The following SPAAR variants were observed in gnomAD, a reference collection of about 807,000 sequenced individuals.
SPAAR encodes the protein small regulatory polypeptide of amino acid response.
For synonymous variants in SPAAR, 27 were observed against 15.9 expected (o/e 1.70, Z -1.66); for missense variants, 59 against 39.9 (o/e 1.48, Z -1.29).
At position 35,910,965 on chromosome 9, in the gene SPAAR, G is replaced by GCGACCC; in HGVS notation, c.*275_*276insGACCCC. The GCGACCC allele has an allele frequency of 2.8e-6, 1 of 354,618 alleles. No individual in the cohort carries two copies. The allele number at this position is 354,618 out of a possible 1,614,324, so 22.0% of individuals were successfully genotyped here. On this transcript the variant is annotated 3_prime_UTR_variant, in exon 2 of 2. Transcript: ENST00000443779. Reference sequence around the variant, plus strand: ...CAGACAGCGCCGGAGTGCACGGTGGGCCGGCTCTGCTGATCTACACCAGGA... The same window carrying GCGACCC: ...CAGACAGCGCCGGAGTGCACGGTGGGCGACCCCCGGCTCTGCTGATCTACACCAGGA...
Position 35,910,863 on chromosome 9 carries a change from G to T in SPAAR, c.*172G>T. Reference sequence around the variant, plus strand: ...GCCTTCTGTGCCCTCCAGCCTCAGGGATCCTTGTTATTGGGACAGCCCAGC... The same window carrying T: ...GCCTTCTGTGCCCTCCAGCCTCAGGTATCCTTGTTATTGGGACAGCCCAGC... On this transcript the variant is annotated 3_prime_UTR_variant, in exon 2 of 2. Coordinates refer to ENST00000443779, the MANE Select transcript of SPAAR (RefSeq NM_001348107.3). The T allele has an allele frequency of 1.7e-6, 1 of 598,340 alleles. No individual in the cohort carries two copies. Among genetic ancestry groups the T allele is most frequent in the Admixed American group, 3.0e-5 (1 of 33,732 alleles). 37.1% of individuals were successfully genotyped at this position (598,340 alleles called of 1,614,324 possible).
Position 35,910,959 on chromosome 9 carries a change from C to CTTTTTTAAT in SPAAR, c.*268_*269insTTTTTTAAT. ...AGTGAACAGACAGCGCCGGAGTGCACGGTGGGCCGGCTCTGCTGATCTACA... is the reference window on the plus strand; with the variant it reads ...AGTGAACAGACAGCGCCGGAGTGCACTTTTTTAATGGTGGGCCGGCTCTGCTGATCTACA... On this transcript the variant is annotated 3_prime_UTR_variant, in exon 2 of 2. Transcript: ENST00000443779. 1 of 298,462 alleles carries CTTTTTTAAT rather than the reference C, an allele frequency of 3.4e-6. No homozygotes were observed. Among genetic ancestry groups the CTTTTTTAAT allele is most frequent in the South Asian group, 8.0e-5 (1 of 12,556 alleles). 18.5% of individuals were successfully genotyped at this position (298,462 alleles called of 1,614,324 possible).
Position 35,909,716 on chromosome 9 carries a change from T to G in SPAAR, c.-308+152T>G, listed in dbSNP as rs374591874. 6.1e-4 allele frequency among the ~76,000 whole-genome samples: 93 copies of G among 152,302 alleles called. 3 individuals carry two copies. The South Asian group carries it at 0.019, about 31-fold the overall frequency. On this transcript the variant is annotated intron_variant, in intron 1 of 1. Coordinates refer to ENST00000443779, the MANE Select transcript of SPAAR (RefSeq NM_001348107.3). The stretch of plus-strand genomic sequence containing the variant: ...CTCCGGGTAAAGAGCCCCACGGTCA[T>G]GGACAGGGCAGGGATTCCCGGGGAA...
Position 35,911,636 on chromosome 9 carries a change from G to A in SPAAR, c.*945G>A, listed in dbSNP as rs1383998722. ...ATATTTAAGGAGTTTGGTTTGAAGG[G>A]TGCAAAATTGTGAGCCTCCTGGCTC... On this transcript the variant is annotated 3_prime_UTR_variant, in exon 2 of 2. Coordinates refer to ENST00000443779, the MANE Select transcript of SPAAR (RefSeq NM_001348107.3). The A allele has an allele frequency of 6.6e-6, 1 of 152,224 alleles. No individual in the cohort carries two copies. The highest frequency in any genetic ancestry group is 1.5e-5 in the Non-Finnish European group (1 of 68,034). 9.4% of individuals were successfully genotyped at this position (152,224 alleles called of 1,614,324 possible).
chr9:35,910,971 T>A lies in SPAAR; in HGVS notation c.*280T>A, dbSNP rs1234456700. The A allele has an allele frequency of 1.3e-5, 3 of 224,630 alleles. No homozygotes were observed. The highest frequency in any genetic ancestry group is 1.6e-5 in the Non-Finnish European group (2 of 122,994). 13.9% of individuals were successfully genotyped at this position (224,630 alleles called of 1,614,324 possible). On this transcript the variant is annotated 3_prime_UTR_variant, in exon 2 of 2. Transcript: ENST00000443779. ...GCGCCGGAGTGCACGGTGGGCCGGC[T>A]CTGCTGATCTACACCAGGAACTGAA...
chr9:35,910,159 A>C lies in SPAAR; in HGVS notation c.-305A>C. 1 of 445,980 alleles carries C rather than the reference A, an allele frequency of 2.2e-6. No individual in the cohort carries two copies. Among genetic ancestry groups the C allele is most frequent in the Non-Finnish European group, 4.1e-6 (1 of 245,502 alleles). 27.6% of individuals were successfully genotyped at this position (445,980 alleles called of 1,614,324 possible). On this transcript the variant is annotated splice_region_variant and 5_prime_UTR_variant, in exon 2 of 2. Transcript: ENST00000443779. Reference sequence around the variant, plus strand: ...CTCTCCACCTTCTCTGTGTCCAGGGAATCTGTGCTCACGTCTTCCAGGACA... The same window carrying C: ...CTCTCCACCTTCTCTGTGTCCAGGGCATCTGTGCTCACGTCTTCCAGGACA...
chr9:35,911,637 T>C lies in SPAAR; in HGVS notation c.*946T>C, dbSNP rs1833168672. On this transcript the variant is annotated 3_prime_UTR_variant, in exon 2 of 2. Coordinates refer to ENST00000443779, the MANE Select transcript of SPAAR (RefSeq NM_001348107.3). ...TATTTAAGGAGTTTGGTTTGAAGGG[T>C]GCAAAATTGTGAGCCTCCTGGCTCT... 1 of 152,076 alleles carries C rather than the reference T, an allele frequency of 6.6e-6. No homozygotes were observed. The highest frequency in any genetic ancestry group is 2.4e-5 in the African/African-American group (1 of 41,400). The allele number at this position is 152,076 out of a possible 1,614,324, so 9.4% of individuals were successfully genotyped here.
In SPAAR at chr9:35,910,549, A is replaced by C; in HGVS notation, c.86A>C (p.Asp29Ala). The C allele has an allele frequency of 1.4e-6, 1 of 702,154 alleles. No homozygotes were observed. The highest frequency in any genetic ancestry group is 2.6e-6 in the Non-Finnish European group (1 of 384,798). 43.5% of individuals were successfully genotyped at this position (702,154 alleles called of 1,614,324 possible). ...ITCVLCCFSC[D>A]SRAQDPQGGP... ...TGCGTCCTCTGCTGCTTCAGCTGTG[A>C]CTCAAGGGCCCAGGATCCTCAGGGG... Residue 29 changes from aspartate (D) to alanine (A), a missense_variant, in exon 2 of 2, where the codon GAC (aspartate) becomes GCC (alanine). Coordinates refer to ENST00000443779, the MANE Select transcript of SPAAR (RefSeq NM_001348107.3).
chr9:35,910,534 G>A lies in SPAAR; in HGVS notation c.71G>A (p.Cys24Tyr). The change falls in exon 2 of 2, where the codon TGC becomes TAC. Residue 24 changes from cysteine (C) to tyrosine (Y), a missense_variant. Cys to Tyr is a radical substitution (Grantham distance 194). Coordinates refer to ENST00000443779, the MANE Select transcript of SPAAR (RefSeq NM_001348107.3). ...ACTGTGGCCATCACCTGCGTCCTCT[G>A]CTGCTTCAGCTGTGACTCAAGGGCC... ...VVTVAITCVL[C>Y]CFSCDSRAQD... 1.4e-6 allele frequency: 1 copy of A among 702,960 alleles called. No individual in the cohort carries two copies. The highest frequency in any genetic ancestry group is 2.7e-5 in the East Asian group (1 of 37,278). 43.5% of individuals were successfully genotyped at this position (702,960 alleles called of 1,614,324 possible).
In SPAAR at chr9:35,910,480, T is replaced by C; in HGVS notation, c.17T>C (p.Ile6Thr). 2 of 702,878 alleles carry C rather than the reference T, an allele frequency of 2.8e-6. No homozygotes were observed. Among genetic ancestry groups the C allele is most frequent in the Non-Finnish European group, 5.2e-6 (2 of 384,954 alleles). The allele number at this position is 702,878 out of a possible 1,614,324, so 43.5% of individuals were successfully genotyped here. A position where few individuals can be genotyped will look rare whatever the true frequency, so the allele number is the denominator to read the frequency against. Residue 6 changes from isoleucine to threonine, a missense_variant, in exon 2 of 2, where the codon ATT becomes ACT. Ile to Thr is a moderately conservative substitution (Grantham distance 89, BLOSUM62 -1). Coordinates refer to ENST00000443779, the MANE Select transcript of SPAAR (RefSeq NM_001348107.3). ...CAGTGGGCCATGGAAACGGCAGTGA[T>C]TGGGGTGGTGGTGGTGCTGTTCGTG... METAV[I>T]GVVVVLFVVT...
rs1833156130 is a variant in SPAAR, at chr9:35,910,661, A to G, written c.198A>G (p.Pro66=). The change falls in exon 2 of 2, where the codon CCA becomes CCG. Residue 66 remains proline (P), a synonymous_variant. Transcript: ENST00000443779. ...CTGTTCGCCATGCCCAGCCAGTGCC[A>G]AGTGCCCAGGACTTCTGGACCTTCA... ...TGPVRHAQPV[P]SAQDFWTFM is the part of the protein sequence containing the mutation. 7.1e-6 allele frequency: 5 copies of G among 702,058 alleles called. No individual in the cohort carries two copies. The highest frequency in any genetic ancestry group is 1.7e-5 in the African/African-American group (1 of 57,318). 43.5% of individuals were successfully genotyped at this position (702,058 alleles called of 1,614,324 possible).
chr9:35,909,771 T>C (rs1833144483), intron 1 of SPAAR, among the ~76,000 whole-genome samples: 1 of 152,128 alleles, frequency 6.6e-6, no homozygotes, highest in Non-Finnish European at 1.5e-5. Flanking sequence ...AACTGCATGA[T>C]CCCAGCGCCA....
chr9:35,910,404 A>T lies in SPAAR; in HGVS notation c.-60A>T, dbSNP rs1833152449. On this transcript the variant is annotated 5_prime_UTR_variant, in exon 2 of 2. Transcript: ENST00000443779. ...GCACGGGGCACCTGCGATCGCGAAG[A>T]GCCTCCTGTTCTGGATGGGAGCGAA... 1 of 700,820 alleles carries T rather than the reference A, an allele frequency of 1.4e-6. No homozygotes were observed. The highest frequency in any genetic ancestry group is 1.7e-5 in the African/African-American group (1 of 57,170). The allele number at this position is 700,820 out of a possible 1,614,324, so 43.4% of individuals were successfully genotyped here.
chr9:35,910,632 G>A lies in SPAAR; in HGVS notation c.169G>A (p.Gly57Arg). 1.4e-6 allele frequency: 1 copy of A among 702,890 alleles called. No homozygotes were observed. Among genetic ancestry groups the A allele is most frequent in the South Asian group, 1.5e-5 (1 of 67,592 alleles). The allele number at this position is 702,890 out of a possible 1,614,324, so 43.5% of individuals were successfully genotyped here. ...TCGCCAGGAAGCTTCTCTCTTCACG[G>A]GGCCTGTTCGCCATGCCCAGCCAGT... is the stretch of plus-strand genomic sequence containing the variant. ...TFRQEASLFT[G>R]PVRHAQPVPS... Residue 57 changes from glycine to arginine, a missense_variant, in exon 2 of 2, where the codon GGG (glycine) becomes AGG (arginine). Transcript: ENST00000443779.
Position 35,910,973 on chromosome 9 carries a change from T to G in SPAAR, c.*282T>G. On this transcript the variant is annotated 3_prime_UTR_variant, in exon 2 of 2. Coordinates refer to ENST00000443779, the MANE Select transcript of SPAAR (RefSeq NM_001348107.3). The stretch of plus-strand genomic sequence containing the variant: ...GCCGGAGTGCACGGTGGGCCGGCTC[T>G]GCTGATCTACACCAGGAACTGAAAT... The G allele has an allele frequency of 4.2e-6, 1 of 239,254 alleles. No homozygotes were observed. The highest frequency in any genetic ancestry group is 6.6e-5 in the East Asian group (1 of 15,208). 14.8% of individuals were successfully genotyped at this position (239,254 alleles called of 1,614,324 possible). A position where few individuals can be genotyped will look rare whatever the true frequency, so the allele number is the denominator to read the frequency against.
chr9:35,910,110 C>G (rs1833148105), intron 1 of SPAAR, 47 bp from the exon 2 acceptor site: 1 of 316,424 alleles, frequency 3.2e-6, no homozygotes, highest in Non-Finnish European at 5.9e-6. Context: ...TAGGCTGTCT[C>G]TGTGCAACGT....
At position 35,910,687 on chromosome 9, in the gene SPAAR, T is replaced by C. The variant is rs758589810; in HGVS notation, c.224T>C (p.Met75Thr). The C allele has an allele frequency of 1.4e-6, 1 of 693,766 alleles. No individual in the cohort carries two copies. The highest frequency in any genetic ancestry group is 2.6e-6 in the Non-Finnish European group (1 of 379,520). The allele number at this position is 693,766 out of a possible 1,614,324, so 43.0% of individuals were successfully genotyped here. ...VPSAQDFWTF[M>T] is the part of the protein sequence containing the mutation. Reference sequence around the variant, plus strand: ...AGTGCCCAGGACTTCTGGACCTTCATGTGACGCCCGAGTCCCCAGGATTTG... The same window carrying C: ...AGTGCCCAGGACTTCTGGACCTTCACGTGACGCCCGAGTCCCCAGGATTTG... Residue 75 changes from methionine (M) to threonine (T), a missense_variant, in exon 2 of 2, where the codon ATG becomes ACG. By Grantham distance (81) the Met-to-Thr change is moderately conservative. Transcript: ENST00000443779.
chr9:35,910,427 G>T lies in SPAAR; in HGVS notation c.-37G>T, dbSNP rs529262261. 10 of 702,772 alleles carry T rather than the reference G, an allele frequency of 1.4e-5. No homozygotes were observed. In the African/African-American group the frequency reaches 1.7e-4, roughly 12 times the overall value. The allele number at this position is 702,772 out of a possible 1,614,324, so 43.5% of individuals were successfully genotyped here. A position where few individuals can be genotyped will look rare whatever the true frequency, so the allele number is the denominator to read the frequency against. ...AGAGCCTCCTGTTCTGGATGGGAGCGAAGGCTCCGAGAGGACCTAAGGTTG... is the reference window on the plus strand; with the variant it reads ...AGAGCCTCCTGTTCTGGATGGGAGCTAAGGCTCCGAGAGGACCTAAGGTTG... On this transcript the variant is annotated 5_prime_UTR_variant, in exon 2 of 2. Coordinates refer to ENST00000443779, the MANE Select transcript of SPAAR (RefSeq NM_001348107.3).
In SPAAR at chr9:35,910,949, C is replaced by CTTGTTTTAATGATA; in HGVS notation, c.*258_*259insTTGTTTTAATGATA. 2.2e-6 allele frequency: 1 copy of CTTGTTTTAATGATA among 456,362 alleles called. No homozygotes were observed. The allele number at this position is 456,362 out of a possible 1,614,324, so 28.3% of individuals were successfully genotyped here. A position where few individuals can be genotyped will look rare whatever the true frequency, so the allele number is the denominator to read the frequency against. On this transcript the variant is annotated 3_prime_UTR_variant, in exon 2 of 2. Transcript: ENST00000443779. The stretch of plus-strand genomic sequence containing the variant: ...CTGAGGAGTGAGTGAACAGACAGCG[C>CTTGTTTTAATGATA]CGGAGTGCACGGTGGGCCGGCTCTG...
Sources: gnomAD v4.1 joint callset for allele counts (sites outside exome capture counted in the v4.1 genomes callset) on GRCh38, gnomAD v4.1.1 for gene constraint, MANE v1.5 for transcripts, NCBI Gene and HGNC (gene_info 2026-07-23, HGNC 2026-07-21) for gene names.